Variants in RBFOX1 observed in about 807,000 individuals in gnomAD.
RBFOX1 encodes the protein RNA binding protein fox-1 homolog 1.
RBFOX1 carries 8 observed loss-of-function variants against 57.7 expected under a neutral mutation model. The ratio of observed to expected loss-of-function variants is 0.14; its 90% CI spans 0.08 to 0.25. The LOEUF is 0.25. RBFOX1 is among the 10% of genes least tolerant of loss of function. RBFOX1 has a pLI of 1.00. For synonymous variants in RBFOX1, 326 were observed against 222.4 expected (o/e 1.47, Z -4.15); for missense variants, 611 against 548.5 (o/e 1.11, Z -1.14).
intron 3 of RBFOX1, among the ~76,000 whole-genome samples, chr16:5,622,262 G>T (rs2048221308): frequency 6.6e-6 from 1 of 152,160 alleles, no homozygotes; most frequent in Non-Finnish European, 1.5e-5. Flanking sequence ...ATGTTAGGCT[G>T]CTTTGGCTTG....
chr16:7,572,968 G>A (rs2092946974), intron 5 of RBFOX1, among the ~76,000 whole-genome samples: 1 of 152,146 alleles, frequency 6.6e-6, no homozygotes, highest in Admixed American at 6.5e-5. Flanking sequence ...CTCTCCTCGA[G>A]TTACATCCTG....
At chr16:7,482,063 C>T (rs927957181) in intron 4 of RBFOX1, among the ~76,000 whole-genome samples, 14 of 152,212 alleles carry the variant, frequency 9.2e-5, no homozygotes, top group African/African-American at 3.4e-4. Context: ...CAAATCAAGC[C>T]GTGCAGCGTC....
chr16:6,057,705 G>C (rs1596791640), intron 1 of RBFOX1, among the ~76,000 whole-genome samples: 1 of 152,082 alleles, frequency 6.6e-6, no homozygotes, highest in Non-Finnish European at 1.5e-5. Context: ...GAAGATGTTG[G>C]TGTCCTTGGA....
intron 1 of RBFOX1, among the ~76,000 whole-genome samples, chr16:5,255,294 A>ATGTG (rs2062556314): frequency 6.7e-6 from 1 of 148,928 alleles, no homozygotes; most frequent in South Asian, 2.1e-4. Flanking sequence ...CCACCTGCTC[A>ATGTG]TCTGTCCGCC....
intron 1 of RBFOX1, among the ~76,000 whole-genome samples, chr16:6,020,601 C>T (rs567646413): frequency 5.3e-5 from 8 of 152,276 alleles, no homozygotes; most frequent in African/African-American, 1.7e-4. Flanking sequence ...TGGGAAACTC[C>T]TACTGTGCCC....
chr16:5,540,589 G>A (rs2044892143), intron 2 of RBFOX1, among the ~76,000 whole-genome samples: 1 of 152,134 alleles, frequency 6.6e-6, no homozygotes, highest in Non-Finnish European at 1.5e-5. Context: ...TTCTCAAATT[G>A]TGGCTCATGA....
At chr16:6,824,315 A>C (rs955869229) in intron 3 of RBFOX1, among the ~76,000 whole-genome samples, 2 of 152,144 alleles carry the variant, frequency 1.3e-5, no homozygotes, top group African/African-American at 4.8e-5. Flanking sequence ...CTGCGGTAGG[A>C]GAGTCACTTG....
At chr16:7,227,213 G>T (rs371024052) in intron 4 of RBFOX1, among the ~76,000 whole-genome samples, 10 of 151,464 alleles carry the variant, frequency 6.6e-5, no homozygotes, top group Admixed American at 2.0e-4. Flanking sequence ...TTCTTTAACT[G>T]TTGCAAAACA....
chr16:7,615,375 G>A (rs546861279), intron 10 of RBFOX1, among the ~76,000 whole-genome samples: 1 of 152,032 alleles, frequency 6.6e-6, no homozygotes, highest in African/African-American at 2.4e-5. Context: ...AAACACATTT[G>A]CATTTAATAT....
At chr16:6,666,880 A>T (rs144587465) in intron 3 of RBFOX1, among the ~76,000 whole-genome samples, 1 of 152,086 alleles carries the variant, frequency 6.6e-6, no homozygotes, top group Non-Finnish European at 1.5e-5. Flanking sequence ...GGGGTCCTCA[A>T]TGAGTCTGCT....
intron 3 of RBFOX1, among the ~76,000 whole-genome samples, chr16:5,700,727 A>G (rs555203316): frequency 6.6e-6 from 1 of 152,272 alleles, no homozygotes; most frequent in Admixed American, 6.5e-5. Flanking sequence ...GAGCTTCTCA[A>G]TCCTTCTGGT....
chr16:6,677,701 C>T (rs920326050), intron 3 of RBFOX1, among the ~76,000 whole-genome samples: 1 of 152,242 alleles, frequency 6.6e-6, no homozygotes, highest in South Asian at 2.1e-4. Context: ...GACATGTGAG[C>T]CATGAAATCC....
chr16:5,261,156 A>G (rs942106741), intron 1 of RBFOX1: 1 of 152,232 alleles, frequency 6.6e-6, no homozygotes, highest in Non-Finnish European at 1.5e-5. Context: ...GGGCATTAGC[A>G]CGTCTACTTC....
chr16:7,408,769 G>C (rs1243906160), intron 4 of RBFOX1, among the ~76,000 whole-genome samples: 1 of 152,166 alleles, frequency 6.6e-6, no homozygotes, highest in African/African-American at 2.4e-5. Context: ...CTTTATGCCA[G>C]TAGCATCCCC....
Position 7,304,562 on chromosome 16 carries a change from C to T in RBFOX1, c.28-213585C>T, listed in dbSNP as rs1206598301. 4.1e-6 allele frequency: 4 copies of T among 985,176 alleles called. No individual in the cohort carries two copies. The African/African-American group carries it at 7.0e-5, about 17-fold the overall frequency. The allele number at this position is 985,176 out of a possible 1,614,324, so 61.0% of individuals were successfully genotyped here. On this transcript the variant is annotated intron_variant, in intron 4 of 15. Transcript: ENST00000550418. ...GGGTCCCCGCGCGTACTGGGCTGCG[C>T]TTCGGTGCCTTATGTAGGTTCTGAG...
intron 3 of RBFOX1, among the ~76,000 whole-genome samples, chr16:5,740,562 A>C (rs1171243530): frequency 6.6e-6 from 1 of 152,244 alleles, no homozygotes; most frequent in Non-Finnish European, 1.5e-5. Context: ...ATAAGCAGAA[A>C]GGGAATCTGT....
chr16:5,779,175 G>T lies in RBFOX1; in HGVS notation c.319-88128G>T, dbSNP rs188637523. 1.1e-3 allele frequency among the ~76,000 whole-genome samples: 167 copies of T among 152,292 alleles called. 2 individuals are homozygous for T. Among genetic ancestry groups the T allele is most frequent in the African/African-American group, 3.8e-3 (157 of 41,558 alleles). ...CATACCCACTTTTTGCGAAATGACT[G>T]TTAGGTCAGCTTTCCTTCCCCCCTC... On this transcript the variant is annotated intron_variant, in intron 3 of 19. Coordinates refer to the RBFOX1 transcript ENST00000641259.
At chr16:6,508,005 C>G (rs111241248) in intron 2 of RBFOX1, among the ~76,000 whole-genome samples, 3,282 of 152,110 alleles carry the variant, frequency 0.022, 136 homozygotes, top group African/African-American at 0.076. Flanking sequence ...AAATGTGGTA[C>G]ATATACATGA....
At chr16:5,533,385 G>A (rs2044564027) in intron 2 of RBFOX1, among the ~76,000 whole-genome samples, 1 of 152,190 alleles carries the variant, frequency 6.6e-6, no homozygotes, top group African/African-American at 2.4e-5. Flanking sequence ...GAGATAAGAA[G>A]TAATCTTCAG....
Sources: gnomAD v4.1 joint callset for allele counts (sites outside exome capture counted in the v4.1 genomes callset) on GRCh38, gnomAD v4.1.1 for gene constraint, MANE v1.5 for transcripts, NCBI Gene and HGNC (gene_info 2026-07-23, HGNC 2026-07-21) for gene names.